LAMA3: variants seen among roughly 807,000 people sequenced by gnomAD.
The protein encoded by LAMA3 is laminin subunit alpha 3, also known as laminin subunit alpha-3.
A neutral mutation model predicts 402.0 loss-of-function variants in LAMA3; 281 were observed. The ratio of observed to expected loss-of-function variants is 0.70; its 90% CI spans 0.63 to 0.77. The LOEUF (loss-of-function observed/expected upper bound fraction) is 0.77, where lower values mean the gene tolerates loss of function less well. Among genes scored for constraint, LAMA3 ranks in the 30% least tolerant of loss-of-function variants. LAMA3 has a pLI of 0.00. For missense variants in LAMA3, 3,840 were observed against 4,215.5 expected, an observed-to-expected ratio of 0.91 and a Z score of 2.47; for synonymous variants, 1,431 against 1,558.4, an observed-to-expected ratio of 0.92 and a Z score of 1.93.
At chr18:23,846,776 C>A (rs918522225) in intron 31 of LAMA3, among the ~76,000 whole-genome samples, 1 of 152,198 alleles carries the variant, frequency 6.6e-6, no homozygotes, top group African/African-American at 2.4e-5. Flanking sequence ...TGCTGTGTGG[C>A]CTATGCACTT....
chr18:23,763,361 G>A, intron 7 of LAMA3, 44 bp from the exon 8 acceptor site: 1 of 1,159,854 alleles, frequency 8.6e-7, no homozygotes, highest in Non-Finnish European at 1.3e-6. Context: ...CTAAGCGTCT[G>A]ATAGTAATAA....
intron 42 of LAMA3, among the ~76,000 whole-genome samples, chr18:23,893,901 A>G (rs1335362237): frequency 6.6e-6 from 1 of 152,240 alleles, no homozygotes; most frequent in Admixed American, 6.5e-5. Flanking sequence ...TTCAATGAAG[A>G]AAGCCCTAAT....
chr18:23,797,727 A>C (rs1382639907), intron 12 of LAMA3, among the ~76,000 whole-genome samples: 2 of 152,226 alleles, frequency 1.3e-5, no homozygotes, highest in African/African-American at 2.4e-5. Context: ...AAAAAAAAAA[A>C]AATTCAAAAT....
chr18:23,874,241 T>C (rs1157260975), intron 38 of LAMA3, among the ~76,000 whole-genome samples: 2 of 152,240 alleles, frequency 1.3e-5, no homozygotes, highest in South Asian at 2.1e-4. Flanking sequence ...TGTGATTATT[T>C]TGTAAGCAGG....
intron 10 of LAMA3, among the ~76,000 whole-genome samples, 187 bp downstream of exon 10, chr18:23,776,110 CTTAT>C (rs1186314853): frequency 6.6e-6 from 1 of 152,128 alleles, no homozygotes; most frequent in Non-Finnish European, 1.5e-5. Context: ...ATTTTACAGT[CTTAT>C]TTATCTCCAA....
At chr18:23,717,728 T>TTTC (rs2061133641) in intron 2 of LAMA3, among the ~76,000 whole-genome samples, 1 of 39,634 alleles carries the variant, frequency 2.5e-5, no homozygotes, top group African/African-American at 5.2e-5. Flanking sequence ...AAATTTTTTT[T>TTTC]TTTTTTTTTT....
chr18:23,916,765 G>T, intron 60 of LAMA3, 70 bp downstream of exon 60: 1 of 1,505,474 alleles, frequency 6.6e-7, no homozygotes. Flanking sequence ...AGATAACTGG[G>T]TTGTTATAAA....
rs566416570 is a variant in LAMA3, at chr18:23,726,451, G to A, written c.447+12379G>A. On this transcript the variant is annotated intron_variant, in intron 2 of 74. Coordinates refer to ENST00000313654, the MANE Select transcript of LAMA3 (RefSeq NM_198129.4). ...TGTTCATGGGGAAGGCATTGCACCC[G>A]CACTGCCAGGATTGGGTGTCTTTTG... is the stretch of plus-strand genomic sequence containing the variant. Among the ~76,000 whole-genome samples, 140 of 152,262 alleles carry A rather than the reference G, an allele frequency of 9.2e-4. 1 individual carries two copies. Among genetic ancestry groups the A allele is most frequent in the African/African-American group, 3.2e-3 (132 of 41,550 alleles).
intron 55 of LAMA3, among the ~76,000 whole-genome samples, chr18:23,912,040 A>G (rs1051243960): frequency 3.4e-5 from 5 of 145,856 alleles, no homozygotes; most frequent in African/African-American, 5.0e-5. Context: ...TATAAATTGT[A>G]TATTAATATA....
chr18:23,757,508 C>A (rs1349810534), intron 6 of LAMA3, among the ~76,000 whole-genome samples: 1 of 144,034 alleles, frequency 6.9e-6, no homozygotes, highest in Non-Finnish European at 1.5e-5. Context: ...CCCTTCTTGG[C>A]CTCGCTCCAG....
intron 2 of LAMA3, among the ~76,000 whole-genome samples, chr18:23,722,761 TCA>T (rs1050910086): frequency 9.2e-5 from 14 of 152,338 alleles, no homozygotes; most frequent in African/African-American, 3.4e-4. Context: ...GAATGTTCTC[TCA>T]GTCTATACAG....
chr18:23,929,523 G>T (rs988794069), intron 64 of LAMA3, among the ~76,000 whole-genome samples: 1 of 151,486 alleles, frequency 6.6e-6, no homozygotes, highest in Middle Eastern at 3.4e-3. Flanking sequence ...CAGGAAGGCC[G>T]CCCCTCTCTT....
intron 4 of LAMA3, among the ~76,000 whole-genome samples, chr18:23,750,040 C>A (rs1246761368): frequency 6.6e-6 from 1 of 152,178 alleles, no homozygotes; most frequent in Non-Finnish European, 1.5e-5. Context: ...GAGCCTGCTT[C>A]CCTGAATGAC....
At chr18:23,948,142 G>A (rs1475716950) in intron 70 of LAMA3, among the ~76,000 whole-genome samples, 1 of 152,142 alleles carries the variant, frequency 6.6e-6, no homozygotes, top group Non-Finnish European at 1.5e-5. Flanking sequence ...ATCACAGGAT[G>A]GGGCAGGATT....
intron 32 of LAMA3, among the ~76,000 whole-genome samples, chr18:23,849,806 A>G (rs2063903844): frequency 6.6e-6 from 1 of 152,226 alleles, no homozygotes; most frequent in African/African-American, 2.4e-5. Context: ...ACTTAAACCA[A>G]GATGTAAAAC....
chr18:23,778,687 C>G (rs936623012), intron 11 of LAMA3, among the ~76,000 whole-genome samples: 2 of 152,200 alleles, frequency 1.3e-5, no homozygotes, highest in African/African-American at 4.8e-5. Context: ...CTCACATCTC[C>G]TGAGTTTGCC....
chr18:23,944,930 C>T (rs1303499210), intron 69 of LAMA3, among the ~76,000 whole-genome samples: 2 of 152,146 alleles, frequency 1.3e-5, no homozygotes, highest in African/African-American at 2.4e-5. Flanking sequence ...GTCAGGAGTT[C>T]GAGACCAGCC....
chr18:23,798,087 C>T (rs891261500), intron 12 of LAMA3, among the ~76,000 whole-genome samples: 1 of 152,112 alleles, frequency 6.6e-6, no homozygotes, highest in African/African-American at 2.4e-5. Context: ...TTCCTGCCTT[C>T]GTCTCCTCCT....
intron 38 of LAMA3, 97 bp downstream of exon 38, chr18:23,871,758 C>T: frequency 1.1e-6 from 1 of 919,080 alleles, no homozygotes. Flanking sequence ...GGCCCTCTGT[C>T]TATTGTTTCT....
Sources: gnomAD v4.1 joint callset for allele counts (sites outside exome capture counted in the v4.1 genomes callset) on GRCh38, gnomAD v4.1.1 for gene constraint, MANE v1.5 for transcripts, NCBI Gene and HGNC (gene_info 2026-07-23, HGNC 2026-07-21) for gene names.